The following PKIB variants were observed in gnomAD, a reference collection of about 807,000 sequenced individuals.
The protein encoded by PKIB is cAMP-dependent protein kinase inhibitor beta.
Under a neutral mutation model 4.5 loss-of-function variants are expected in PKIB, and 2 were observed. The observed-to-expected ratio is 0.44, with a 90% CI of 0.18 to 1.39. The LOEUF (loss-of-function observed/expected upper bound fraction) is 1.39, where lower values mean the gene tolerates loss of function less well. Ranked by LOEUF, PKIB falls within the 40% of genes most tolerant of loss-of-function variation. The probability of loss-of-function intolerance (pLI) is 0.27; values close to 1 mark genes in which losing one functional copy is unlikely to be tolerated. For missense variants in PKIB, 94 were observed against 92.6 expected, an observed-to-expected ratio of 1.02 and a Z score of -0.06; for synonymous variants, 38 against 36.0, an observed-to-expected ratio of 1.06 and a Z score of -0.20.
At chr6:122,527,525 A>T (rs1777129041) in intron 2 of PKIB, among the ~76,000 whole-genome samples, 3 of 152,108 alleles carry the variant, frequency 2.0e-5, no homozygotes, top group African/African-American at 4.8e-5. Context: ...TGTCTCTGAG[A>T]ATATGGAGAT....
chr6:122,594,786 T>C (rs2114730213), intron 3 of PKIB, among the ~76,000 whole-genome samples: 1 of 152,316 alleles, frequency 6.6e-6, no homozygotes, highest in Middle Eastern at 3.4e-3. Flanking sequence ...TAGTTTCCCA[T>C]TGACCTTAAT....
intron 2 of PKIB, among the ~76,000 whole-genome samples, chr6:122,554,373 C>T (rs1772776331): frequency 6.6e-6 from 1 of 152,134 alleles, no homozygotes; most frequent in Admixed American, 6.5e-5. Context: ...TTGGTTTAGA[C>T]ATTATGCAGT....
intron 2 of PKIB, among the ~76,000 whole-genome samples, chr6:122,578,580 A>G (rs1440546160): frequency 1.3e-5 from 2 of 152,130 alleles, no homozygotes; most frequent in Non-Finnish European, 2.9e-5. Context: ...TGTCTAAGCC[A>G]TCTTTCCTTC....
chr6:122,701,414 G>T, intron 3 of PKIB: 5 of 1,544,816 alleles, frequency 3.2e-6, no homozygotes, highest in South Asian at 2.4e-5. Context: ...ACTGGTTAAG[G>T]CACTGTTTTC....
In PKIB at chr6:122,659,976, T is replaced by G. The variant is rs148918370; in HGVS notation, c.-75-15102T>G. Among the ~76,000 whole-genome samples the G allele has an allele frequency of 1.2e-3, 186 of 152,346 alleles. 3 individuals are homozygous for G. In the East Asian group the frequency reaches 0.02, roughly 17 times the overall value. ...ATAAAAATAAAAATGGAAACATTTA[T>G]CCAGTGCAGCATGATATTAAAATAT... On this transcript the variant is annotated intron_variant, in intron 2 of 4. Coordinates refer to ENST00000368452, the MANE Select transcript of PKIB (RefSeq NM_181795.3).
chr6:122,582,768 A>AT (rs1026726771), intron 2 of PKIB, among the ~76,000 whole-genome samples: 2 of 152,092 alleles, frequency 1.3e-5, no homozygotes, highest in African/African-American at 4.8e-5. Context: ...ACAGACTGTA[A>AT]TAGAGGCTCC....
At chr6:122,623,531 C>A (rs1306266689) in intron 1 of PKIB, among the ~76,000 whole-genome samples, 4 of 152,124 alleles carry the variant, frequency 2.6e-5, no homozygotes, top group Admixed American at 2.0e-4. Context: ...TACTTCTGGC[C>A]TTGGGCTGTA....
chr6:122,538,615 T>A (rs957664675), intron 2 of PKIB, among the ~76,000 whole-genome samples: 4 of 152,122 alleles, frequency 2.6e-5, no homozygotes, highest in Admixed American at 2.6e-4. Context: ...GGTAGCATGA[T>A]GCCTCCGGCT....
At chr6:122,671,281 ACT>A (rs982538411) in intron 2 of PKIB, among the ~76,000 whole-genome samples, 3 of 143,370 alleles carry the variant, frequency 2.1e-5, no homozygotes, top group Non-Finnish European at 3.1e-5. Flanking sequence ...ACAGAGAAAG[ACT>A]CTGTCTCAAA....
intron 2 of PKIB, among the ~76,000 whole-genome samples, chr6:122,576,573 C>G (rs1361452514): frequency 2.8e-5 from 4 of 145,188 alleles, no homozygotes; most frequent in African/African-American, 1.0e-4. Context: ...GAGGCTGAGG[C>G]AGGAGAATGG....
intron 2 of PKIB, chr6:122,581,618 T>C (rs1773706719): frequency 1.3e-5 from 2 of 152,142 alleles, no homozygotes; most frequent in Non-Finnish European, 2.9e-5. Context: ...GGTTTAAAAT[T>C]AATTCATTTT....
rs1007063630 is a variant in PKIB at position 122,583,031 on chromosome 6, TAAC to T, written c.-247-2887_-247-2885del. ...ATTAATATAAGATATAGAATAGTCT[TAAC>T]AATCAAGATAGAAAAAACATTTATA... On this transcript the variant is annotated intron_variant, in intron 2 of 6. Coordinates refer to the PKIB transcript ENST00000392491. Among the ~76,000 whole-genome samples the T allele has an allele frequency of 3.7e-4, 56 of 152,056 alleles. 1 individual carries two copies. The highest frequency in any genetic ancestry group is 1.4e-4 in the African/African-American group (6 of 41,446).
chr6:122,630,471 A>G (rs909002126), intron 1 of PKIB, among the ~76,000 whole-genome samples: 5 of 152,166 alleles, frequency 3.3e-5, no homozygotes, highest in Admixed American at 1.3e-4. Context: ...TTCCACTTAT[A>G]AAACTAGATA....
intron 2 of PKIB, among the ~76,000 whole-genome samples, chr6:122,669,236 A>T (rs1332253752): frequency 6.6e-6 from 1 of 152,132 alleles, no homozygotes; most frequent in African/African-American, 2.4e-5. Flanking sequence ...AATTCTGGAA[A>T]TTTAAACTAA....
Position 122,725,373 on chromosome 6 carries a change from A to C in PKIB, c.*178A>C. The C allele has an allele frequency of 1.7e-6, 1 of 579,582 alleles. No homozygotes were observed. The highest frequency in any genetic ancestry group is 2.7e-5 in the South Asian group (1 of 36,796). The allele number at this position is 579,582 out of a possible 1,614,324, so 35.9% of individuals were successfully genotyped here. The stretch of plus-strand genomic sequence containing the variant: ...ACTTTGATTGCAATGATGATGTCCA[A>C]GGTAAGCTATTAAAAGGCAGGTTAC... On this transcript the variant is annotated 3_prime_UTR_variant, in exon 5 of 5. Transcript: ENST00000368452.
intron 3 of PKIB, among the ~76,000 whole-genome samples, chr6:122,689,150 C>T (rs1366421977): frequency 1.3e-5 from 2 of 151,908 alleles, no homozygotes; most frequent in African/African-American, 4.8e-5. Flanking sequence ...TTATTTGGGT[C>T]TTCTCTCTTT....
chr6:122,653,560 G>A (rs1776651622), intron 2 of PKIB, among the ~76,000 whole-genome samples: 1 of 151,640 alleles, frequency 6.6e-6, no homozygotes, highest in African/African-American at 2.4e-5. Flanking sequence ...ATGAGGTGGG[G>A]GGAATTTGAC....
At chr6:122,613,918 G>A (rs10457436) in intron 1 of PKIB, among the ~76,000 whole-genome samples, 20,226 of 138,336 alleles carry the variant, frequency 0.15, 1,549 homozygotes, top group Middle Eastern at 0.17. Context: ...AGCTGAGATG[G>A]CACCACTGCA....
chr6:122,605,845 C>T (rs942354815), upstream of PKIB, among the ~76,000 whole-genome samples: 5 of 152,172 alleles, frequency 3.3e-5, no homozygotes, highest in African/African-American at 1.2e-4. Flanking sequence ...TATTAAATAT[C>T]ACAGTTTGAA....
Sources: allele counts gnomAD v4.1 joint callset (sites outside exome capture counted in the v4.1 genomes callset), GRCh38; gene constraint gnomAD v4.1.1; transcripts MANE v1.5; gene names NCBI Gene and HGNC (gene_info 2026-07-23, HGNC 2026-07-21).